MAD1L1: variants seen among roughly 807,000 people sequenced by gnomAD.
MAD1L1 encodes mitotic spindle assembly checkpoint protein MAD1.
MAD1L1 carries 95 observed loss-of-function variants against 96.9 expected under a neutral mutation model. The ratio of observed to expected loss-of-function variants is 0.98; its 90% CI spans 0.83 to 1.16. MAD1L1 has a LOEUF of 1.16. Among genes scored for constraint, MAD1L1 ranks in the 50% most tolerant of loss-of-function variants. The pLI is 0.00. For missense variants in MAD1L1, 1,007 were observed against 954.4 expected (o/e 1.06, Z -0.73); for synonymous variants, 473 against 396.6 (o/e 1.19, Z -2.29).
intron 16 of MAD1L1, among the ~76,000 whole-genome samples, chr7:1,949,866 G>A (rs371283006): frequency 3.3e-5 from 5 of 152,308 alleles, no homozygotes; most frequent in South Asian, 2.1e-4. Context: ...AGGAGGCCCC[G>A]GGCCTCCAAG....
intron 5 of MAD1L1, among the ~76,000 whole-genome samples, chr7:2,221,233 C>T (rs753114154): frequency 7.5e-4 from 114 of 152,186 alleles, no homozygotes; most frequent in Non-Finnish European, 1.2e-3. Context: ...ACGACTCACC[C>T]TCCCCCATGG....
chr7:2,066,070 G>A (rs553373701), intron 12 of MAD1L1, among the ~76,000 whole-genome samples: 10 of 152,312 alleles, frequency 6.6e-5, no homozygotes, highest in Admixed American at 2.0e-4. Flanking sequence ...TTAGCTATCA[G>A]TAACAATTAA....
intron 18 of MAD1L1, among the ~76,000 whole-genome samples, chr7:1,894,527 G>A (rs780368342): frequency 6.6e-6 from 1 of 152,194 alleles, no homozygotes; most frequent in Non-Finnish European, 1.5e-5. Flanking sequence ...TGCAGCCTCC[G>A]AAGTGAGCCA....
chr7:2,110,395 C>T (rs1347323043), intron 11 of MAD1L1, among the ~76,000 whole-genome samples: 1 of 152,230 alleles, frequency 6.6e-6, no homozygotes, highest in Non-Finnish European at 1.5e-5. Context: ...TCAGAAGCCA[C>T]GCCCAAAGCG....
In MAD1L1 at chr7:2,142,112, T is replaced by A. The variant is rs1789066140; in HGVS notation, c.1073+7040A>T. Among the ~76,000 whole-genome samples, 3 of 152,120 alleles carry A rather than the reference T, an allele frequency of 2.0e-5. No individual in the cohort carries two copies. Among genetic ancestry groups the A allele is most frequent in the African/African-American group, 7.2e-5 (3 of 41,424 alleles). ...CAGACCCCAGGCACAGGGATGTCCC[T>A]CACATTTCCCCAAAAACCCGCTCAC... On this transcript the variant is annotated intron_variant, in intron 11 of 18. Transcript: ENST00000265854. This position sits in a 1 kb window ranked among gnomAD's most constrained non-coding sequence, Gnocchi z 4.7.
chr7:2,141,754 G>A (rs937070705), intron 11 of MAD1L1, among the ~76,000 whole-genome samples: 1 of 152,234 alleles, frequency 6.6e-6, no homozygotes, highest in Non-Finnish European at 1.5e-5. Flanking sequence ...CATGCCACAG[G>A]CACCATCTCA....
chr7:1,969,438 G>A (rs938759678), intron 15 of MAD1L1, among the ~76,000 whole-genome samples: 1 of 152,100 alleles, frequency 6.6e-6, no homozygotes, highest in Non-Finnish European at 1.5e-5. Flanking sequence ...CAATCTCAAT[G>A]GTGAAAGGCT....
At chr7:2,067,284 C>T (rs934929910) in intron 12 of MAD1L1, among the ~76,000 whole-genome samples, 1 of 151,874 alleles carries the variant, frequency 6.6e-6, no homozygotes, top group African/African-American at 2.4e-5. Flanking sequence ...AGGCCACGTT[C>T]GCAGGCACCC....
chr7:1,976,933 T>C (rs1419871741), intron 15 of MAD1L1, among the ~76,000 whole-genome samples: 2 of 152,236 alleles, frequency 1.3e-5, no homozygotes, highest in Admixed American at 6.5e-5. Context: ...GAGCACTGAC[T>C]GGTGCGTTTA....
intron 11 of MAD1L1, among the ~76,000 whole-genome samples, chr7:2,093,123 T>TA (rs1380621137): frequency 6.6e-6 from 1 of 150,704 alleles, no homozygotes; most frequent in Non-Finnish European, 1.5e-5. Flanking sequence ...CACAAACCTG[T>TA]AACCCCAGCT....
chr7:2,110,975 C>T (rs1787347727), intron 11 of MAD1L1, among the ~76,000 whole-genome samples: 2 of 152,178 alleles, frequency 1.3e-5, no homozygotes, highest in Non-Finnish European at 2.9e-5. Flanking sequence ...CTGCTCTCAC[C>T]CCATCCCTCC....
At chr7:1,923,991 A>C (rs569815167) in intron 17 of MAD1L1, among the ~76,000 whole-genome samples, 2 of 152,390 alleles carry the variant, frequency 1.3e-5, no homozygotes, top group East Asian at 3.9e-4. Context: ...AGAGAACTTA[A>C]GAAAGACCTA....
chr7:2,004,934 C>G (rs1781964500), intron 13 of MAD1L1, among the ~76,000 whole-genome samples: 1 of 152,240 alleles, frequency 6.6e-6, no homozygotes, highest in African/African-American at 2.4e-5. Context: ...TCTGATACAT[C>G]CTCAAAGCCA....
chr7:2,208,797 C>T (rs568709269), intron 10 of MAD1L1, among the ~76,000 whole-genome samples: 6 of 152,226 alleles, frequency 3.9e-5, no homozygotes, highest in East Asian at 1.9e-4. Context: ...GAGGTCTTGC[C>T]GAGGATGACA....
intron 17 of MAD1L1, among the ~76,000 whole-genome samples, chr7:1,915,375 G>C (rs1267440827): frequency 2.0e-5 from 3 of 152,208 alleles, no homozygotes; most frequent in Non-Finnish European, 4.4e-5. Flanking sequence ...GGCTGGGAAG[G>C]AGACCTGGGG....
At chr7:1,877,372 A>G (rs543927158) in intron 18 of MAD1L1, among the ~76,000 whole-genome samples, 2,006 of 151,942 alleles carry the variant, frequency 0.013, 39 homozygotes, top group African/African-American at 0.046. Context: ...AGGTTTACTG[A>G]CCCTTGCCCT....
At chr7:2,228,425 G>A (rs1220783163) in intron 3 of MAD1L1, among the ~76,000 whole-genome samples, 2 of 151,948 alleles carry the variant, frequency 1.3e-5, no homozygotes, top group Non-Finnish European at 2.9e-5. Flanking sequence ...CCTAATTTTT[G>A]TATTTTTAGT....
intron 10 of MAD1L1, among the ~76,000 whole-genome samples, chr7:2,184,976 T>C (rs1160295564): frequency 6.6e-6 from 1 of 152,148 alleles, no homozygotes; most frequent in African/African-American, 2.4e-5. Context: ...CACTCCAGCC[T>C]GGGAAACAAG....
Position 1,980,472 on chromosome 7 carries a change from C to CCCCTGCAGGACACACCTGGGCGTGTCCG in MAD1L1, c.1485_1486insCGGACACGCCCAGGTGTGTCCTGCAGGG (p.Glu496ArgfsTer48), listed in dbSNP as rs766190271. The stretch of plus-strand genomic sequence containing the variant: ...ACGTACCTGAGCGTGTCCGCCTCCT[C>CCCCTGCAGGACACACCTGGGCGTGTCCG]CCTGGAGAACAGGAAGCTCTGTTCG... On this transcript the variant is annotated frameshift_variant, in exon 15 of 19. Transcript: ENST00000265854. LOFTEE classifies it high-confidence loss of function. 2.5e-6 allele frequency: 4 copies of CCCCTGCAGGACACACCTGGGCGTGTCCG among 1,612,498 alleles called. No homozygotes were observed. Among genetic ancestry groups the CCCCTGCAGGACACACCTGGGCGTGTCCG allele is most frequent in the African/African-American group, 2.7e-5 (2 of 74,878 alleles).
Sources: gnomAD v4.1 joint callset for allele counts (sites outside exome capture counted in the v4.1 genomes callset) on GRCh38, gnomAD v4.1.1 for gene constraint, Gnocchi (gnomAD v3.1) non-coding constraint, MANE v1.5 for transcripts, NCBI Gene and HGNC (gene_info 2026-07-23, HGNC 2026-07-21) for gene names.